TMC6: variants seen among roughly 807,000 people sequenced by gnomAD.
TMC6 encodes transmembrane channel like 6.
Under a neutral mutation model 95.4 loss-of-function variants are expected in TMC6, and 71 were observed. The observed-to-expected ratio is 0.74, with a 90% CI of 0.61 to 0.91. The LOEUF (loss-of-function observed/expected upper bound fraction) is 0.91. Among genes scored for constraint, TMC6 ranks in the 40% least tolerant of loss-of-function variants. The pLI, the probability that TMC6 is intolerant of heterozygous loss-of-function variation, is 0.00. For missense variants in TMC6, 1,074 were observed against 1,079.1 expected (o/e 1.00, Z 0.07); for synonymous variants, 514 against 483.1 (o/e 1.06, Z -0.84).
chr17:78,116,726 C>CAAA (rs1018970043), intron 18 of TMC6, among the ~76,000 whole-genome samples: 2 of 152,094 alleles, frequency 1.3e-5, no homozygotes, highest in Non-Finnish European at 2.9e-5. Context: ...ACGAAAAACA[C>CAAA]AAAAAAGTAG....
In TMC6 at chr17:78,122,732, C is replaced by T. The variant is rs201400275; in HGVS notation, c.1100G>A (p.Gly367Glu). Residue 367 changes from glycine to glutamate, a missense_variant, in exon 10 of 20, where the codon GGG (glycine) becomes GAG (glutamate). By Grantham distance (98) the Gly-to-Glu change is moderately conservative. Coordinates refer to ENST00000590602, the MANE Select transcript of TMC6 (RefSeq NM_001127198.5). This position sits in a 1 kb window ranked among gnomAD's most constrained non-coding sequence, Gnocchi z 4.9. The stretch of plus-strand genomic sequence containing the variant: ...GGTGCTGCCCACCCGGTAGCTCTCC[C>T]CGAAAGAGTGAGCCATGCTGGGGAG... Reference protein sequence around the residue: ...TLVYSMAHSFGESYRVGSTSG... With the variant: ...TLVYSMAHSFEESYRVGSTSG... The T allele has an allele frequency of 1.1e-5, 17 of 1,610,762 alleles. No individual in the cohort carries two copies. The Middle Eastern group carries it at 6.6e-4, about 63-fold the overall frequency.
rs1241750777 is a variant in TMC6, at chr17:78,117,549, G to A, written c.2117C>T (p.Pro706Leu). 3.8e-6 allele frequency: 6 copies of A among 1,599,082 alleles called. No individual in the cohort carries two copies. The highest frequency in any genetic ancestry group is 1.7e-5 in the Admixed American group (1 of 58,118). ...CACCCAGGGCAGCCAGGAGACCCTG[G>A]GGCCTGCCGCCTCCAGGTGGCGCAC... ...VWVRHLEAAG[P>L]RVSWLPWVHR... The change falls in exon 17 of 20, where the codon CCC (proline) becomes CTC (leucine). Residue 706 changes from proline (P) to leucine (L), a missense_variant. Pro to Leu is a moderately conservative substitution (Grantham distance 98, BLOSUM62 -3). Transcript: ENST00000590602.
chr17:78,121,150 A>G lies in TMC6; in HGVS notation c.1398T>C (p.Ala466=). ...GGACCAGCAGCACAGCCTCCTGGCC[A>G]GCAGCCTCTGGACTCTGCAGGGGTG... ...SEFMIQSPEA[A]GQEAVLLVLP... Residue 466 remains alanine, a synonymous_variant, in exon 12 of 20, where the codon GCT becomes GCC. Transcript: ENST00000590602. This position sits in a 1 kb window ranked among gnomAD's most constrained non-coding sequence, Gnocchi z 5.6. 6.3e-7 allele frequency: 1 copy of G among 1,596,880 alleles called. No individual in the cohort carries two copies. Among genetic ancestry groups the G allele is most frequent in the Non-Finnish European group, 8.5e-7 (1 of 1,172,574 alleles).
At chr17:78,113,453 G>A in intron 19 of TMC6, 95 bp downstream of exon 19, 1 of 1,448,064 alleles carries the variant, frequency 6.9e-7, no homozygotes, top group Non-Finnish European at 9.7e-7. Flanking sequence ...TGTCAGCAAT[G>A]TCGTGGTGTA....
chr17:78,121,826 G>T lies in TMC6; in HGVS notation c.1228-115C>A. On this transcript the variant is annotated intron_variant, in intron 10 of 19. Coordinates refer to ENST00000590602, the MANE Select transcript of TMC6 (RefSeq NM_001127198.5). The surrounding 1 kb of genome is among the most constrained non-coding windows in gnomAD (Gnocchi z 5.6). ...AGACACACCAGGAGGCTTGAACCAGGACAGAGGGCCAGTTCCCCATGCCCC... is the reference window on the plus strand; with the variant it reads ...AGACACACCAGGAGGCTTGAACCAGTACAGAGGGCCAGTTCCCCATGCCCC... 1 of 1,359,460 alleles carries T rather than the reference G, an allele frequency of 7.4e-7. No individual in the cohort carries two copies. Among genetic ancestry groups the T allele is most frequent in the Non-Finnish European group, 9.8e-7 (1 of 1,016,084 alleles). 84.2% of individuals were successfully genotyped at this position (1,359,460 alleles called of 1,614,324 possible).
upstream of TMC6, chr17:78,131,240 A>C: frequency 2.4e-6 from 1 of 423,224 alleles, no homozygotes; most frequent in East Asian, 5.2e-5. Context: ...GTGCCGGTCC[A>C]GACTTTCTGT....
Position 78,127,166 on chromosome 17 carries a change from G to A in TMC6, c.-74-260C>T, listed in dbSNP as rs1353067172. The A allele has an allele frequency of 1.8e-5, 9 of 510,130 alleles. No individual in the cohort carries two copies. In the East Asian group the frequency reaches 2.5e-4, roughly 14 times the overall value. 31.6% of individuals were successfully genotyped at this position (510,130 alleles called of 1,614,324 possible). On this transcript the variant is annotated intron_variant, in intron 1 of 19. Coordinates refer to ENST00000590602, the MANE Select transcript of TMC6 (RefSeq NM_001127198.5). ...TCTGCAGTTCCACATCTGTTTCCTC[G>A]ATGTCGCCAGTCCCTGGGAAATGGG...
intron 1 of TMC6, among the ~76,000 whole-genome samples, chr17:78,127,772 C>T (rs1448306461): frequency 6.6e-6 from 1 of 152,226 alleles, no homozygotes; most frequent in Non-Finnish European, 1.5e-5. Flanking sequence ...AGGCAAAGCC[C>T]GGGGGCGCCC....
Position 78,126,799 on chromosome 17 carries a change from G to T in TMC6, c.34C>A (p.Pro12Thr). 6.2e-7 allele frequency: 1 copy of T among 1,613,250 alleles called. No individual in the cohort carries two copies. The highest frequency in any genetic ancestry group is 1.7e-5 in the Admixed American group (1 of 60,002). ...TACCCCTGGTCCCCTGGGGTCTCAG[G>T]GACATCGAGGATGAAGGCCAGTGGC... is the stretch of plus-strand genomic sequence containing the variant. Reference protein sequence around the residue: ...AQPLAFILDVPETPGDQGQGP... With the variant: ...AQPLAFILDVTETPGDQGQGP... The change falls in exon 2 of 20, where the codon CCT (proline) becomes ACT (threonine). Residue 12 changes from proline (P) to threonine (T), a missense_variant. By Grantham distance (38) the Pro-to-Thr change is conservative. Coordinates refer to ENST00000590602, the MANE Select transcript of TMC6 (RefSeq NM_001127198.5).
rs12950340 is a variant in TMC6, at chr17:78,122,421, G to A, written c.1227+184C>T. On this transcript the variant is annotated intron_variant, in intron 10 of 19. Coordinates refer to ENST00000590602, the MANE Select transcript of TMC6 (RefSeq NM_001127198.5). The surrounding 1 kb of genome is among the most constrained non-coding windows in gnomAD (Gnocchi z 4.9). ...CCCTAACTGATGGGTGTGTGCCAGA[G>A]AAAAACTCAGGGCCTGCCCGTCACT... 4 of 883,704 alleles carry A rather than the reference G, an allele frequency of 4.5e-6. 1 individual carries two copies. In the South Asian group the frequency reaches 6.9e-5, roughly 15 times the overall value. The allele number at this position is 883,704 out of a possible 1,614,324, so 54.7% of individuals were successfully genotyped here.
In TMC6 at chr17:78,126,305, G is replaced by C. The variant is rs777740333; in HGVS notation, c.243C>G (p.Ile81Met). The change falls in exon 4 of 20, where the codon ATC (isoleucine) becomes ATG (methionine). Residue 81 changes from isoleucine (I) to methionine (M), a missense_variant. Physicochemically the swap from Ile to Met is conservative, Grantham distance 10. Transcript: ENST00000590602. ...EGTQSTATLR[I>M]LASMPSRTIG... ...TGGTGCGGCTGGGCATGCTGGCCAG[G>C]ATGCGGAGTGTGGCCGTGCTCTGGG... The C allele has an allele frequency of 2.6e-6, 4 of 1,566,302 alleles. No homozygotes were observed. The highest frequency in any genetic ancestry group is 3.4e-6 in the Non-Finnish European group (4 of 1,160,022).
Position 78,124,706 on chromosome 17 carries a change from T to C in TMC6, c.709A>G (p.Ile237Val), listed in dbSNP as rs1293054023. 6.3e-7 allele frequency: 1 copy of C among 1,598,452 alleles called. No homozygotes were observed. The highest frequency in any genetic ancestry group is 8.5e-7 in the Non-Finnish European group (1 of 1,172,994). Reference sequence around the variant, plus strand: ...ACGCTGGAGCCGAACTGGCCCCCGATGCGCTTCAGGGCGTAGCGCCACGGC... The same window carrying C: ...ACGCTGGAGCCGAACTGGCCCCCGACGCGCTTCAGGGCGTAGCGCCACGGC... ...LMPWRYALKR[I>V]GGQFGSSVLS... is the part of the protein sequence containing the mutation. Residue 237 changes from isoleucine (I) to valine (V), a missense_variant, in exon 8 of 20, where the codon ATC becomes GTC. Physicochemically the swap from Ile to Val is conservative, Grantham distance 29 (BLOSUM62 3). Transcript: ENST00000590602.
chr17:78,127,568 C>G (rs892717775), intron 1 of TMC6, among the ~76,000 whole-genome samples: 1 of 152,228 alleles, frequency 6.6e-6, no homozygotes, highest in Non-Finnish European at 1.5e-5. Context: ...CTGCCGTCAC[C>G]CGGCACAACT....
At chr17:78,130,051 AG>A (rs2074918856), upstream of TMC6, among the ~76,000 whole-genome samples, 1 of 152,196 alleles carries the variant, frequency 6.6e-6, no homozygotes, top group Non-Finnish European at 1.5e-5. Context: ...GCCCTATAGC[AG>A]GTAGAGAGGG....
At chr17:78,115,650 T>A in intron 18 of TMC6, among the ~76,000 whole-genome samples, 1 of 132,384 alleles carries the variant, frequency 7.6e-6, no homozygotes, top group Admixed American at 7.6e-5. Context: ...GCGAAGGGAG[T>A]GGGCACAGGG....
intron 15 of TMC6, among the ~76,000 whole-genome samples, chr17:78,118,485 G>C (rs1302683509): frequency 6.6e-6 from 1 of 152,044 alleles, no homozygotes; most frequent in Non-Finnish European, 1.5e-5. Context: ...GAACCTGGGA[G>C]GCGGAGCTTG....
rs916585590 is a variant in TMC6, at chr17:78,108,455, G to A, written c.*4693C>T. 1.9e-5 allele frequency: 3 copies of A among 154,842 alleles called. No individual in the cohort carries two copies. The highest frequency in any genetic ancestry group is 7.2e-5 in the African/African-American group (3 of 41,508). The allele number at this position is 154,842 out of a possible 1,614,324, so 9.6% of individuals were successfully genotyped here. ...TCTGCGCGGCCGAGCCTCAGCAAGA[G>A]TTCGTTTTGTGCCTGAGTTACTACT... On this transcript the variant is annotated 3_prime_UTR_variant, in exon 20 of 20. Transcript: ENST00000590602.
At chr17:78,116,851 G>T (rs780903003) in intron 18 of TMC6, among the ~76,000 whole-genome samples, 113 of 152,172 alleles carry the variant, frequency 7.4e-4, no homozygotes, top group Non-Finnish European at 1.3e-3. Flanking sequence ...CTGCACTCCA[G>T]CCTGGGTGAC....
intron 18 of TMC6, 134 bp from the exon 19 acceptor site, chr17:78,113,758 A>C: frequency 1.1e-6 from 1 of 894,766 alleles, no homozygotes; most frequent in Non-Finnish European, 1.8e-6. Context: ...CATAAAAGAA[A>C]AGGTGAAAGG....
Sources: gnomAD v4.1 joint callset for allele counts (sites outside exome capture counted in the v4.1 genomes callset) on GRCh38, gnomAD v4.1.1 for gene constraint, Gnocchi (gnomAD v3.1) non-coding constraint, MANE v1.5 for transcripts, NCBI Gene and HGNC (gene_info 2026-07-23, HGNC 2026-07-21) for gene names.